SLC44A5: variants seen among roughly 807,000 people sequenced by gnomAD.
SLC44A5 encodes the protein solute carrier family 44 member 5.
Under a neutral mutation model 101.8 loss-of-function variants are expected in SLC44A5, and 57 were observed. That is an observed-to-expected ratio of 0.56 (90% confidence interval 0.45 to 0.70). The LOEUF (loss-of-function observed/expected upper bound fraction) is 0.70, where lower values mean the gene tolerates loss of function less well. Among genes scored for constraint, SLC44A5 ranks in the 30% least tolerant of loss-of-function variants. The pLI, the probability that SLC44A5 is intolerant of heterozygous loss-of-function variation, is 0.00. For synonymous variants in SLC44A5, 281 were observed against 290.9 expected (o/e 0.97, Z 0.35); for missense variants, 737 against 853.1 (o/e 0.86, Z 1.70).
intron 1 of SLC44A5, among the ~76,000 whole-genome samples, chr1:75,604,189 A>G (rs1265693729): frequency 6.6e-6 from 1 of 152,064 alleles, no homozygotes; most frequent in Non-Finnish European, 1.5e-5. Context: ...TAATTTTTCC[A>G]TATCAAACAA....
chr1:75,703,375 C>G, the SLC44A5 span, among the ~76,000 whole-genome samples: 1 of 151,772 alleles, frequency 6.6e-6, no homozygotes, highest in African/African-American at 2.4e-5. Flanking sequence ...ACGGATGAAG[C>G]TGGAAACCAT....
At chr1:75,672,663 G>A in the SLC44A5 span, among the ~76,000 whole-genome samples, 7 of 152,228 alleles carry the variant, frequency 4.6e-5, no homozygotes, top group Middle Eastern at 3.4e-3. Flanking sequence ...CAAAACCTAG[G>A]CAGCACCAAT....
intron 2 of SLC44A5, among the ~76,000 whole-genome samples, chr1:75,506,775 AAG>A (rs1224221427): frequency 1.3e-5 from 2 of 151,994 alleles, no homozygotes; most frequent in Non-Finnish European, 2.9e-5. Flanking sequence ...ATTGTCAGTA[AAG>A]AGAGATAATT....
intron 4 of SLC44A5, among the ~76,000 whole-genome samples, chr1:75,328,229 AGATT>A (rs1352458484): frequency 1.3e-5 from 2 of 152,232 alleles, no homozygotes; most frequent in East Asian, 1.9e-4. Flanking sequence ...TTAAATATAT[AGATT>A]GATTGAGAGC....
chr1:75,715,248 C>T, the SLC44A5 span, among the ~76,000 whole-genome samples: 1 of 152,046 alleles, frequency 6.6e-6, no homozygotes, highest in Non-Finnish European at 1.5e-5. Flanking sequence ...CAATGCTATT[C>T]CTGTCAAACT....
intron 1 of SLC44A5, among the ~76,000 whole-genome samples, chr1:75,591,989 T>A (rs1674381532): frequency 6.6e-6 from 1 of 152,138 alleles, no homozygotes. Flanking sequence ...ATGCCCACTG[T>A]CAACACTGTT....
upstream of SLC44A5, among the ~76,000 whole-genome samples, chr1:75,612,670 A>G (rs2102190036): frequency 6.6e-6 from 1 of 152,262 alleles, no homozygotes; most frequent in Admixed American, 6.5e-5. Flanking sequence ...TCATTACCGT[A>G]TCCCTAGTGT....
chr1:75,403,748 G>A (rs1295713273), intron 2 of SLC44A5, among the ~76,000 whole-genome samples: 1 of 152,102 alleles, frequency 6.6e-6, no homozygotes, highest in African/African-American at 2.4e-5. Context: ...GGAAAAACCA[G>A]CACAAAACGG....
the SLC44A5 span, among the ~76,000 whole-genome samples, chr1:75,678,522 G>C: frequency 6.7e-6 from 1 of 150,138 alleles, no homozygotes. Context: ...CACACTGCAG[G>C]GTACTCCAAC....
intron 1 of SLC44A5, among the ~76,000 whole-genome samples, chr1:75,559,809 A>C (rs576174431): frequency 1.2e-4 from 18 of 152,280 alleles, no homozygotes; most frequent in African/African-American, 4.1e-4. Context: ...ACTTGTATCC[A>C]GAATATATAA....
intron 2 of SLC44A5, among the ~76,000 whole-genome samples, chr1:75,436,327 A>G (rs1664888620): frequency 6.6e-6 from 1 of 152,094 alleles, no homozygotes; most frequent in Non-Finnish European, 1.5e-5. Flanking sequence ...CAACTTCTAT[A>G]CATGTCACAA....
the SLC44A5 span, among the ~76,000 whole-genome samples, chr1:75,678,174 G>C: frequency 6.6e-5 from 10 of 152,284 alleles, no homozygotes; most frequent in Non-Finnish European, 1.0e-4. Flanking sequence ...AGGCTGAAGC[G>C]AGGCTGGGGG....
chr1:75,219,590 T>C (rs983476783), intron 15 of SLC44A5, among the ~76,000 whole-genome samples: 2 of 152,136 alleles, frequency 1.3e-5, no homozygotes, highest in African/African-American at 4.8e-5. Context: ...CAGTATCATG[T>C]GGAGACAAAA....
chr1:75,568,707 A>T (rs1440394428), intron 1 of SLC44A5, among the ~76,000 whole-genome samples: 1 of 152,194 alleles, frequency 6.6e-6, no homozygotes, highest in African/African-American at 2.4e-5. Flanking sequence ...AGACTGAAAA[A>T]TTACCACATC....
chr1:75,701,239 T>A, the SLC44A5 span, among the ~76,000 whole-genome samples: 20 of 152,240 alleles, frequency 1.3e-4, no homozygotes, highest in African/African-American at 4.8e-4. Flanking sequence ...CTGATGAACA[T>A]CGATGCAAAA....
intron 6 of SLC44A5, among the ~76,000 whole-genome samples, chr1:75,264,315 G>T (rs984652660): frequency 1.6e-4 from 24 of 152,110 alleles, no homozygotes; most frequent in African/African-American, 5.8e-4. Context: ...GCAAGCCATT[G>T]GCATTGATCC....
In SLC44A5 at chr1:75,214,695, C is replaced by G. The variant is rs751706500; in HGVS notation, c.1729-17G>C. 9 of 1,605,144 alleles carry G rather than the reference C, an allele frequency of 5.6e-6. No homozygotes were observed. Among genetic ancestry groups the G allele is most frequent in the Non-Finnish European group, 6.8e-6 (8 of 1,174,392 alleles). The stretch of plus-strand genomic sequence containing the variant: ...TATTGCAATCTGAGGAAGACAGTGG[C>G]TATTATTCTGGAGCCAGTAACATAC... On this transcript the variant is annotated splice_polypyrimidine_tract_variant and intron_variant, in intron 19 of 23. Coordinates refer to ENST00000370859, the MANE Select transcript of SLC44A5 (RefSeq NM_001130058.2).
At chr1:75,616,642 G>A in the SLC44A5 span, among the ~76,000 whole-genome samples, 4 of 152,212 alleles carry the variant, frequency 2.6e-5, no homozygotes, top group Admixed American at 1.3e-4. Context: ...CGGGCGATGA[G>A]CCCCGAAGCG....
At chr1:75,610,613 G>A (rs1342575307) in intron 1 of SLC44A5, among the ~76,000 whole-genome samples, 1 of 152,040 alleles carries the variant, frequency 6.6e-6, no homozygotes, top group Non-Finnish European at 1.5e-5. Flanking sequence ...CTGATCACAT[G>A]GTCAGCTGTG....
Sources: gnomAD v4.1 joint callset for allele counts (sites outside exome capture counted in the v4.1 genomes callset) on GRCh38, gnomAD v4.1.1 for gene constraint, MANE v1.5 for transcripts, NCBI Gene and HGNC (gene_info 2026-07-23, HGNC 2026-07-21) for gene names.